The following MMP3 variants were observed in gnomAD, a reference collection of about 807,000 sequenced individuals.
MMP3 encodes the protein matrix metallopeptidase 3, also known as stromelysin-1.
A neutral mutation model predicts 47.3 loss-of-function variants in MMP3; 46 were observed. The ratio of observed to expected loss-of-function variants is 0.97; its 90% CI spans 0.77 to 1.24. The LOEUF is 1.24. Among genes scored for constraint, MMP3 ranks in the 50% most tolerant of loss-of-function variants. The probability of loss-of-function intolerance (pLI) is 0.00; values close to 1 mark genes in which losing one functional copy is unlikely to be tolerated. For synonymous variants in MMP3, 216 were observed against 206.5 expected, an observed-to-expected ratio of 1.05 and a Z score of -0.39; for missense variants, 558 against 565.5, an observed-to-expected ratio of 0.99 and a Z score of 0.13.
chr11:102,843,049 A>T, intron 1 of MMP3, 133 bp from the exon 2 acceptor site: 1 of 752,542 alleles, frequency 1.3e-6, no homozygotes, highest in South Asian at 2.1e-5. Flanking sequence ...AATAATGGCA[A>T]ATTTTATAAT....
In MMP3 at chr11:102,839,157, T is replaced by A. The variant is rs782616828; in HGVS notation, c.1022A>T (p.Asp341Val). The change falls in exon 7 of 10, where the codon GAT becomes GTT. Residue 341 changes from aspartate (D) to valine (V), a missense_variant. Asp to Val is a radical substitution (Grantham distance 152). Coordinates refer to ENST00000299855, the MANE Select transcript of MMP3 (RefSeq NM_002422.5). ...CTTGCTAGTAACTTCATATGCGGCA[T>A]CCACGCCTGAAGGAAGAGATGGCCA... is the stretch of plus-strand genomic sequence containing the variant. Reference protein sequence around the residue: ...SFWPSLPSGVDAAYEVTSKDL... With the variant: ...SFWPSLPSGVVAAYEVTSKDL... 1.1e-5 allele frequency: 18 copies of A among 1,614,008 alleles called. No homozygotes were observed. In the South Asian group the frequency reaches 2.0e-4, roughly 18 times the overall value.
At chr11:102,838,208 A>G (rs549589342) in intron 8 of MMP3, among the ~76,000 whole-genome samples, 14 of 152,254 alleles carry the variant, frequency 9.2e-5, no homozygotes, top group African/African-American at 3.4e-4. Flanking sequence ...CATTTTCCCA[A>G]TGGGTCTAAA....
In MMP3 at chr11:102,835,889, T is replaced by G. The variant is rs188917921; in HGVS notation, c.*237A>C. 4.6e-4 allele frequency: 210 copies of G among 451,754 alleles called. 2 individuals are homozygous for G. The highest frequency in any genetic ancestry group is 3.6e-3 in the African/African-American group (187 of 51,724). The allele number at this position is 451,754 out of a possible 1,614,324, so 28.0% of individuals were successfully genotyped here. On this transcript the variant is annotated 3_prime_UTR_variant, in exon 10 of 10. Coordinates refer to ENST00000299855, the MANE Select transcript of MMP3 (RefSeq NM_002422.5). ...TCTGTTGCACACGAGTGCTTCCCCTTCTCTTGGGAAAGATCACTCTATGTG... is the reference window on the plus strand; with the variant it reads ...TCTGTTGCACACGAGTGCTTCCCCTGCTCTTGGGAAAGATCACTCTATGTG...
intron 7 of MMP3, 37 bp downstream of exon 7, chr11:102,839,073 C>T (rs1555005024): frequency 6.3e-7 from 1 of 1,596,708 alleles, no homozygotes; most frequent in East Asian, 2.2e-5. Context: ...AGAGGGTTTA[C>T]TTTGGCAAGT....
At position 102,836,425 on chromosome 11, in the gene MMP3, A is replaced by C. The variant is rs1858883298; in HGVS notation, c.1334-199T>G. ...ACAACCCTATGAGGTTGTATGTCTA[A>C]CTCCATTTACAGATTGAGCAAGTTG... is the stretch of plus-strand genomic sequence containing the variant. On this transcript the variant is annotated intron_variant, in intron 9 of 9. Coordinates refer to ENST00000299855, the MANE Select transcript of MMP3 (RefSeq NM_002422.5). The surrounding 1 kb of genome is among the most constrained non-coding windows in gnomAD (Gnocchi z 4.6). 3.1e-6 allele frequency: 2 copies of C among 644,788 alleles called. No individual in the cohort carries two copies. Among genetic ancestry groups the C allele is most frequent in the Non-Finnish European group, 5.9e-6 (2 of 339,788 alleles). The allele number at this position is 644,788 out of a possible 1,614,324, so 39.9% of individuals were successfully genotyped here.
rs1379535473 is a variant in MMP3 at position 102,839,091 on chromosome 11, A to G, written c.1069+19T>C. 11 of 1,598,816 alleles carry G rather than the reference A, an allele frequency of 6.9e-6. No individual in the cohort carries two copies. Among genetic ancestry groups the G allele is most frequent in the Non-Finnish European group, 9.4e-6 (11 of 1,174,208 alleles). ...GGGTTTACTTTGGCAAGTTAAACAA[A>G]TGATGATATAGTAATTACCTTTAAA... On this transcript the variant is annotated intron_variant, in intron 7 of 9. Coordinates refer to ENST00000299855, the MANE Select transcript of MMP3 (RefSeq NM_002422.5).
rs202217886 is a variant in MMP3, at chr11:102,838,627, C to G, written c.1153G>C (p.Val385Leu). The change falls in exon 8 of 10, where the codon GTG becomes CTG. Residue 385 changes from valine (V) to leucine (L), a missense_variant. Transcript: ENST00000299855. Reference protein sequence around the residue: ...GIHTLGFPPTVRKIDAAISDK... With the variant: ...GIHTLGFPPTLRKIDAAISDK... Reference sequence around the variant, plus strand: ...GAAATGGCTGCATCGATTTTCCTCACGGTTGGAGGGAAACCTAGGGTGTGG... The same window carrying G: ...GAAATGGCTGCATCGATTTTCCTCAGGGTTGGAGGGAAACCTAGGGTGTGG... 2 of 1,613,368 alleles carry G rather than the reference C, an allele frequency of 1.2e-6. No homozygotes were observed. The highest frequency in any genetic ancestry group is 1.7e-6 in the Non-Finnish European group (2 of 1,179,906).
rs985894908 is a variant in MMP3, at chr11:102,836,467, C to T, written c.1334-241G>A. 6.8e-6 allele frequency: 4 copies of T among 585,144 alleles called. No homozygotes were observed. Among genetic ancestry groups the T allele is most frequent in the African/African-American group, 1.8e-5 (1 of 54,212 alleles). 36.2% of individuals were successfully genotyped at this position (585,144 alleles called of 1,614,324 possible). A position where few individuals can be genotyped will look rare whatever the true frequency, so the allele number is the denominator to read the frequency against. On this transcript the variant is annotated intron_variant, in intron 9 of 9. Transcript: ENST00000299855. The surrounding 1 kb of genome is among the most constrained non-coding windows in gnomAD (Gnocchi z 4.6). ...AGCAAGTTGAGGTTGAGACAGATTT[C>T]GATGCTTCCTCAAGGTTACTCAGCA...
At chr11:102,838,846 G>A in intron 7 of MMP3, 136 bp from the exon 8 acceptor site, 1 of 1,124,808 alleles carries the variant, frequency 8.9e-7, no homozygotes, top group African/African-American at 1.6e-5. Context: ...CCAGCTTACA[G>A]TGGGCTTTTC....
intron 3 of MMP3, 70 bp from the exon 4 acceptor site, chr11:102,842,349 A>C (rs868993619): frequency 5.4e-5 from 85 of 1,565,364 alleles, no homozygotes; most frequent in African/African-American, 3.6e-4. Context: ...CAGTACAACA[A>C]CACCAGATAG....
At chr11:102,843,010 CTATTTGGAG>C in intron 1 of MMP3, 94 bp from the exon 2 acceptor site, 3 of 1,115,482 alleles carry the variant, frequency 2.7e-6, no homozygotes, top group Non-Finnish European at 3.7e-6. Context: ...ACTTCTTAAT[CTATTTGGAG>C]TATTTCTCTA....
chr11:102,842,006 T>C, intron 4 of MMP3, 148 bp downstream of exon 4: 3 of 713,224 alleles, frequency 4.2e-6, no homozygotes, highest in Non-Finnish European at 5.9e-6. Context: ...ATATTTTCAA[T>C]AATAATTAAA....
In MMP3 at chr11:102,840,292, T is replaced by TAA. The variant is rs782047059; in HGVS notation, c.791-41_791-40insTT. On this transcript the variant is annotated intron_variant, in intron 5 of 9. Transcript: ENST00000299855. Reference sequence around the variant, plus strand: ...AGGGGAAATGTGATACGTTTCAATATATGCCCATTTGTATGCTTTCCAAAC... The same window carrying TAA: ...AGGGGAAATGTGATACGTTTCAATATAAATGCCCATTTGTATGCTTTCCAAAC... 19 of 1,605,208 alleles carry TAA rather than the reference T, an allele frequency of 1.2e-5. No homozygotes were observed. In the South Asian group the frequency reaches 2.1e-4, roughly 18 times the overall value.
At chr11:102,838,760 C>T (rs782372715) in intron 7 of MMP3, 50 bp from the exon 8 acceptor site, 2 of 1,551,392 alleles carry the variant, frequency 1.3e-6, no homozygotes, top group Non-Finnish European at 1.8e-6. Context: ...ACAGTTAAGC[C>T]CTTTCGCTTT....
In MMP3 at chr11:102,842,678, G is replaced by A. The variant is rs1859028426; in HGVS notation, c.344C>T (p.Thr115Ile). The change falls in exon 2 of 10, where the codon ACA (threonine) becomes ATA (isoleucine). Residue 115 changes from threonine (T) to isoleucine (I), a missense_variant. Transcript: ENST00000299855. ...AACCCCTCTGAACCATTACCTGTAT[G>A]TAAGGTGGGTTTTCCTCCACTTCGG... ...GIPKWRKTHL[T>I]YRIVNYTPDL... The A allele has an allele frequency of 1.2e-6, 2 of 1,613,952 alleles. No individual in the cohort carries two copies. The highest frequency in any genetic ancestry group is 2.7e-5 in the African/African-American group (2 of 74,984).
chr11:102,840,630 T>C, intron 4 of MMP3, 37 bp from the exon 5 acceptor site: 1 of 1,605,212 alleles, frequency 6.2e-7, no homozygotes, highest in Non-Finnish European at 8.5e-7. Context: ...TACTTATTTT[T>C]TAAATACATG....
Position 102,842,237 on chromosome 11 carries a change from A to T in MMP3, c.542T>A (p.Leu181Ter), listed in dbSNP as rs782500546. 7.9e-5 allele frequency: 127 copies of T among 1,610,508 alleles called. No homozygotes were observed. The highest frequency in any genetic ancestry group is 1.0e-4 in the Non-Finnish European group (119 of 1,179,068). Residue 181 changes from leucine (L) to a stop codon, truncating the protein, a stop_gained, in exon 4 of 10, where the codon TTG (leucine) becomes TAG (stop). Transcript: ENST00000299855. LOFTEE classifies it high-confidence loss of function. ...TGGCCCAGGGGCATAGGCATGGGCC[A>T]AAACATTTCCAGGTCCATCAAAAGG... The part of the protein sequence containing the change: ...FYPFDGPGNV[L>*]AHAYAPGPGI...
In MMP3 at chr11:102,842,416, T is replaced by C. The variant is rs1859019180; in HGVS notation, c.499+15A>G. On this transcript the variant is annotated intron_variant, in intron 3 of 9. Transcript: ENST00000299855. ...TTGTTTTGTTTTGCTTTTTTTTTTT[T>C]TTTTTTTTTTTTACCTCTAACTGCA... 6.8e-7 allele frequency: 1 copy of C among 1,466,240 alleles called. No individual in the cohort carries two copies. The highest frequency in any genetic ancestry group is 8.9e-7 in the Non-Finnish European group (1 of 1,119,686). The allele number at this position is 1,466,240 out of a possible 1,614,324, so 90.8% of individuals were successfully genotyped here.
In MMP3 at chr11:102,837,203, A is replaced by T; in HGVS notation, c.1333+95T>A. The T allele has an allele frequency of 7.5e-6, 7 of 933,046 alleles. No homozygotes were observed. Among genetic ancestry groups the T allele is most frequent in the Non-Finnish European group, 1.2e-5 (7 of 595,210 alleles). 57.8% of individuals were successfully genotyped at this position (933,046 alleles called of 1,614,324 possible). A position where few individuals can be genotyped will look rare whatever the true frequency, so the allele number is the denominator to read the frequency against. The stretch of plus-strand genomic sequence containing the variant: ...TTGAGAAGGGAACTGGCCCTAAGAA[A>T]CACTTGTTATTAAAAAGTTTCAATG... On this transcript the variant is annotated intron_variant, in intron 9 of 9. Coordinates refer to ENST00000299855, the MANE Select transcript of MMP3 (RefSeq NM_002422.5). This position sits in a 1 kb window ranked among gnomAD's most constrained non-coding sequence, Gnocchi z 4.4.
Sources: gnomAD v4.1 joint callset for allele counts (sites outside exome capture counted in the v4.1 genomes callset) on GRCh38, gnomAD v4.1.1 for gene constraint, Gnocchi (gnomAD v3.1) non-coding constraint, MANE v1.5 for transcripts, NCBI Gene and HGNC (gene_info 2026-07-23, HGNC 2026-07-21) for gene names.